CDK14: variants seen among roughly 807,000 people sequenced by gnomAD.
CDK14 encodes the protein cyclin-dependent kinase 14.
A neutral mutation model predicts 60.7 loss-of-function variants in CDK14; 34 were observed. That is an observed-to-expected ratio of 0.56 (90% CI 0.43 to 0.75). CDK14 has a LOEUF of 0.75. Ranked by LOEUF, CDK14 falls within the 30% of genes least tolerant of loss-of-function variation. The pLI is 0.00. For synonymous variants in CDK14, 197 were observed against 203.7 expected, an observed-to-expected ratio of 0.97 and a Z score of 0.28; for missense variants, 482 against 564.1, an observed-to-expected ratio of 0.85 and a Z score of 1.47.
In CDK14 at chr7:90,726,827, T is replaced by C. The variant is rs1259224141; in HGVS notation, c.369+15T>C. On this transcript the variant is annotated intron_variant, in intron 3 of 14. Coordinates refer to ENST00000380050, the MANE Select transcript of CDK14 (RefSeq NM_001287135.2). ...GCCCCAGCTCGGTAAGTGCAGTCTT[T>C]TTGTTTATCACTGGGTAAACAGAAG... 9 of 1,612,490 alleles carry C rather than the reference T, an allele frequency of 5.6e-6. No homozygotes were observed. Among genetic ancestry groups the C allele is most frequent in the Admixed American group, 1.7e-5 (1 of 59,844 alleles).
intron 14 of CDK14, among the ~76,000 whole-genome samples, chr7:91,162,689 A>T (rs1044699707): frequency 6.6e-6 from 1 of 152,230 alleles, no homozygotes; most frequent in Non-Finnish European, 1.5e-5. Flanking sequence ...CTCATTTACC[A>T]TATGAAGAAA....
chr7:90,810,573 G>A (rs1024884494), intron 5 of CDK14, among the ~76,000 whole-genome samples: 1 of 152,198 alleles, frequency 6.6e-6, no homozygotes, highest in Non-Finnish European at 1.5e-5. Context: ...AGACAGGGAT[G>A]CCCTCTCTCA....
chr7:91,026,641 C>T (rs992890653), intron 10 of CDK14, among the ~76,000 whole-genome samples: 6 of 152,162 alleles, frequency 3.9e-5, no homozygotes, highest in African/African-American at 9.7e-5. Context: ...CAGAGACCAT[C>T]GTCTCTCCCC....
intron 4 of CDK14, among the ~76,000 whole-genome samples, chr7:90,779,725 AC>A (rs1436538497): frequency 6.6e-6 from 1 of 152,140 alleles, no homozygotes; most frequent in Non-Finnish European, 1.5e-5. Context: ...TTGAAAGAAA[AC>A]CCCGGACCTT....
At chr7:91,081,884 G>T (rs149713947) in intron 12 of CDK14, among the ~76,000 whole-genome samples, 30 of 151,850 alleles carry the variant, frequency 2.0e-4, no homozygotes, top group Non-Finnish European at 4.1e-4. Context: ...ATGCGATTGA[G>T]AATAATAAAT....
intron 14 of CDK14, among the ~76,000 whole-genome samples, chr7:91,163,620 T>A (rs1000897234): frequency 1.3e-5 from 2 of 152,222 alleles, no homozygotes; most frequent in African/African-American, 4.8e-5. Flanking sequence ...CATTGGAAAT[T>A]TGAAATTTAC....
At chr7:91,009,517 T>A (rs772559477) in intron 10 of CDK14, among the ~76,000 whole-genome samples, 1 of 152,184 alleles carries the variant, frequency 6.6e-6, no homozygotes, top group Non-Finnish European at 1.5e-5. Context: ...TTGTTGTACA[T>A]CTTTAATTTT....
intron 5 of CDK14, among the ~76,000 whole-genome samples, chr7:90,811,135 C>T (rs1216674918): frequency 1.3e-5 from 2 of 152,068 alleles, no homozygotes; most frequent in African/African-American, 2.4e-5. Context: ...TTATGTGGAA[C>T]CAAAAAAGAG....
At chr7:91,075,792 A>G (rs1431279770) in intron 11 of CDK14, among the ~76,000 whole-genome samples, 6 of 152,180 alleles carry the variant, frequency 3.9e-5, no homozygotes, top group Admixed American at 3.9e-4. Flanking sequence ...AAATCAATGT[A>G]CAGAAATCAC....
intron 5 of CDK14, among the ~76,000 whole-genome samples, chr7:90,827,255 C>G (rs899265645): frequency 3.9e-5 from 6 of 152,042 alleles, no homozygotes; most frequent in Admixed American, 3.9e-4. Context: ...ATTTAAAGTT[C>G]CTGTATATCT....
In CDK14 at chr7:90,747,696, T is replaced by C. The variant is rs368905588; in HGVS notation, c.385T>C (p.Phe129Leu). Reference protein sequence around the residue: ...SSPSSPTSPKFGKADSYEKLE... With the variant: ...SSPSSPTSPKLGKADSYEKLE... ...TCATTTTTAGCCAACAAGTCCCAAA[T>C]TTGGAAAAGCTGACTCATATGAAAA... Residue 129 changes from phenylalanine (F) to leucine (L), a missense_variant, in exon 4 of 15, where the codon TTT (phenylalanine) becomes CTT (leucine). Physicochemically the swap from Phe to Leu is conservative, Grantham distance 22. Coordinates refer to ENST00000380050, the MANE Select transcript of CDK14 (RefSeq NM_001287135.2). 5 of 1,596,856 alleles carry C rather than the reference T, an allele frequency of 3.1e-6. No homozygotes were observed. Among genetic ancestry groups the C allele is most frequent in the Non-Finnish European group, 4.3e-6 (5 of 1,173,600 alleles).
At chr7:90,754,749 A>AACTT (rs1384894878) in intron 4 of CDK14, among the ~76,000 whole-genome samples, 1 of 152,176 alleles carries the variant, frequency 6.6e-6, no homozygotes, top group African/African-American at 2.4e-5. Context: ...ATCTCTGAGG[A>AACTT]ACTTACACAA....
chr7:90,728,424 G>A (rs977793772), intron 3 of CDK14, among the ~76,000 whole-genome samples: 3 of 148,434 alleles, frequency 2.0e-5, no homozygotes, highest in African/African-American at 7.4e-5. Context: ...CTACCTTCTG[G>A]GTTTTTTTAA....
At chr7:90,735,572 A>T (rs1563062986) in intron 3 of CDK14, among the ~76,000 whole-genome samples, 1 of 152,190 alleles carries the variant, frequency 6.6e-6, no homozygotes, top group Non-Finnish European at 1.5e-5. Flanking sequence ...GGCCTTGCTG[A>T]GCTACAGTGG....
intron 14 of CDK14, among the ~76,000 whole-genome samples, chr7:91,143,521 A>G (rs1270311130): frequency 6.6e-6 from 1 of 152,028 alleles, no homozygotes; most frequent in East Asian, 1.9e-4. Context: ...CAGGAGTTTG[A>G]GTCCAGCCTA....
chr7:91,024,060 A>G (rs1207964913), intron 10 of CDK14, among the ~76,000 whole-genome samples: 2 of 152,038 alleles, frequency 1.3e-5, no homozygotes, highest in African/African-American at 4.8e-5. Context: ...GGCATGAGCC[A>G]TCATACCCAG....
chr7:91,202,641 T>C (rs1802768084), intron 14 of CDK14, among the ~76,000 whole-genome samples: 1 of 152,196 alleles, frequency 6.6e-6, no homozygotes, highest in East Asian at 1.9e-4. Flanking sequence ...TATGCACTTA[T>C]TGAAAATTGA....
intron 2 of CDK14, among the ~76,000 whole-genome samples, chr7:90,609,197 G>A (rs952880718): frequency 6.6e-6 from 1 of 151,976 alleles, no homozygotes; most frequent in African/African-American, 2.4e-5. Context: ...GCTAATTTTT[G>A]TATTTTTTGT....
intron 8 of CDK14, among the ~76,000 whole-genome samples, chr7:90,920,963 C>T (rs573968811): frequency 3.6e-4 from 54 of 151,778 alleles, no homozygotes; most frequent in South Asian, 1.2e-3. Flanking sequence ...TAAGCAAAGT[C>T]GTATTTAAAC....
Sources: gnomAD v4.1 joint callset for allele counts (sites outside exome capture counted in the v4.1 genomes callset) on GRCh38, gnomAD v4.1.1 for gene constraint, MANE v1.5 for transcripts, NCBI Gene and HGNC (gene_info 2026-07-23, HGNC 2026-07-21) for gene names.